The following TTK variants were observed in gnomAD, a reference collection of about 807,000 sequenced individuals.
TTK encodes the protein dual specificity protein kinase TTK.
Under a neutral mutation model 117.3 loss-of-function variants are expected in TTK, and 59 were observed. The ratio of observed to expected loss-of-function variants is 0.50; its 90% CI spans 0.41 to 0.62. TTK has a LOEUF of 0.62. Ranked by LOEUF, TTK falls within the 20% of genes least tolerant of loss-of-function variation. TTK has a pLI of 0.00. For missense variants in TTK, 921 were observed against 989.4 expected (o/e 0.93, Z 0.93); for synonymous variants, 302 against 325.0 (o/e 0.93, Z 0.76).
chr6:80,037,411 A>C (rs1485038147), intron 17 of TTK: 1 of 152,338 alleles, frequency 6.6e-6, no homozygotes, highest in Admixed American at 6.5e-5. Flanking sequence ...ATTTTAGAAG[A>C]AAATGAGCTC....
intron 21 of TTK, among the ~76,000 whole-genome samples, chr6:80,041,860 A>G (rs1317629160): frequency 2.0e-5 from 3 of 151,724 alleles, no homozygotes; most frequent in African/African-American, 7.2e-5. Flanking sequence ...TTGAAGGCTC[A>G]TATGTATGTT....
In TTK at chr6:80,039,703, C is replaced by A; in HGVS notation, c.2138C>A (p.Pro713His). 1 of 1,517,300 alleles carries A rather than the reference C, an allele frequency of 6.6e-7. No homozygotes were observed. Among genetic ancestry groups the A allele is most frequent in the South Asian group, 1.4e-5 (1 of 69,420 alleles). The allele number at this position is 1,517,300 out of a possible 1,614,324, so 94.0% of individuals were successfully genotyped here. ...ENGKSKSKISPKSDVWSLGCI... is the reference protein window; with the variant it reads ...ENGKSKSKISHKSDVWSLGCI... ...TGTTTGTTTTTTTCTTAGATAAGCC[C>A]CAAAAGTGATGTTTGGTCCTTAGGA... is the stretch of plus-strand genomic sequence containing the variant. Residue 713 changes from proline to histidine, a missense_variant, in exon 19 of 22, where the codon CCC (proline) becomes CAC (histidine). By Grantham distance (77) the Pro-to-His change is moderately conservative. Transcript: ENST00000369798.
rs1314088531 is a variant in TTK at position 80,042,345 on chromosome 6, A to C, written c.*143A>C. On this transcript the variant is annotated 3_prime_UTR_variant, in exon 22 of 22. Transcript: ENST00000369798. ...AAAAAATTCAGTAGATTATCTTTAA[A>C]AGAAAACTGTAAAAATAGCAACCAC... 1.1e-5 allele frequency: 6 copies of C among 557,906 alleles called. No individual in the cohort carries two copies. Among genetic ancestry groups the C allele is most frequent in the Non-Finnish European group, 1.8e-5 (6 of 326,518 alleles). 34.6% of individuals were successfully genotyped at this position (557,906 alleles called of 1,614,324 possible).
rs759057062 is a variant in TTK at position 80,008,459 on chromosome 6, C to G, written c.436C>G (p.His146Asp). The change falls in exon 4 of 22, where the codon CAT (histidine) becomes GAT (aspartate). Residue 146 changes from histidine (H) to aspartate (D), a missense_variant. Coordinates refer to ENST00000369798, the MANE Select transcript of TTK (RefSeq NM_003318.5). ...RANCKKFAFV[H>D]ISFAQFELSQ... ...AAACTGCAAGAAATTTGCTTTTGTT[C>G]ATATATCTTTTGCACAATTTGAACT... The G allele has an allele frequency of 6.2e-7, 1 of 1,611,930 alleles. No individual in the cohort carries two copies. The highest frequency in any genetic ancestry group is 8.5e-7 in the Non-Finnish European group (1 of 1,178,966).
intron 21 of TTK, among the ~76,000 whole-genome samples, chr6:80,041,405 A>G (rs1768046034): frequency 6.6e-6 from 1 of 151,774 alleles, no homozygotes; most frequent in Non-Finnish European, 1.5e-5. Flanking sequence ...ATTTGCATTT[A>G]TATGATATGA....
At chr6:80,034,546 T>G (rs1767843778) in intron 14 of TTK, among the ~76,000 whole-genome samples, 1 of 152,184 alleles carries the variant, frequency 6.6e-6, no homozygotes, top group Non-Finnish European at 1.5e-5. Flanking sequence ...GAGGCTGGAC[T>G]CAAACTGCTG....
chr6:80,039,440 GA>G lies in TTK; in HGVS notation c.2131-254del, dbSNP rs1767988678. On this transcript the variant is annotated intron_variant, in intron 18 of 21. Transcript: ENST00000369798. ...ATTTTATATTTTCACAAGTTGGGAA[GA>G]ATTTAATATTTTGTCTTAATTGCAA... Among the ~76,000 whole-genome samples, 3 of 151,850 alleles carry G rather than the reference GA, an allele frequency of 2.0e-5. No homozygotes were observed. The East Asian group carries it at 5.8e-4, about 29-fold the overall frequency.
intron 10 of TTK, among the ~76,000 whole-genome samples, chr6:80,020,979 A>T (rs759146507): frequency 1.3e-5 from 2 of 152,246 alleles, no homozygotes; most frequent in African/African-American, 2.4e-5. Flanking sequence ...TCCAGACAGC[A>T]CTGCAGAGTG....
chr6:80,040,662 G>A lies in TTK; in HGVS notation c.2449G>A (p.Val817Ile), dbSNP rs774346835. 1 of 1,611,776 alleles carries A rather than the reference G, an allele frequency of 6.2e-7. No homozygotes were observed. The highest frequency in any genetic ancestry group is 1.3e-5 in the African/African-American group (1 of 74,818). Reference sequence around the variant, plus strand: ...AATGAAATATGTTCTGGGCCAACTTGTTGGTCTGAATTCTCCTAACTCCAT... The same window carrying A: ...AATGAAATATGTTCTGGGCCAACTTATTGGTCTGAATTCTCCTAACTCCAT... ...EEMKYVLGQL[V>I]GLNSPNSILK... Residue 817 changes from valine to isoleucine, a missense_variant, in exon 21 of 22, where the codon GTT (valine) becomes ATT (isoleucine). Val to Ile is a conservative substitution (Grantham distance 29). Coordinates refer to ENST00000369798, the MANE Select transcript of TTK (RefSeq NM_003318.5).
In TTK at chr6:80,012,054, T is replaced by C. The variant is rs551506142; in HGVS notation, c.896+74T>C. The stretch of plus-strand genomic sequence containing the variant: ...AATGGCAGAATGGTCTTAAAGTCTT[T>C]TACTGAGTAATAGTAATTATGATTA... On this transcript the variant is annotated intron_variant, in intron 8 of 21. Transcript: ENST00000369798. The C allele has an allele frequency of 6.3e-5, 74 of 1,167,946 alleles. 1 individual carries two copies. In the South Asian group the frequency reaches 1.1e-3, roughly 17 times the overall value. The allele number at this position is 1,167,946 out of a possible 1,614,324, so 72.3% of individuals were successfully genotyped here.
In TTK at chr6:80,010,946, A is replaced by G; in HGVS notation, c.602A>G (p.Lys201Arg). The G allele has an allele frequency of 2.5e-6, 4 of 1,611,856 alleles. No individual in the cohort carries two copies. Among genetic ancestry groups the G allele is most frequent in the Non-Finnish European group, 3.4e-6 (4 of 1,178,388 alleles). Residue 201 changes from lysine (K) to arginine (R), a missense_variant, in exon 5 of 22, where the codon AAG (lysine) becomes AGG (arginine). Coordinates refer to ENST00000369798, the MANE Select transcript of TTK (RefSeq NM_003318.5). ...KKQLLSEEEK[K>R]NLSASTVLTA... ...CAGCTGCTTTCAGAGGAGGAAAAGA[A>G]GAATTTATCAGGTAACTATTAAGGT...
intron 21 of TTK, among the ~76,000 whole-genome samples, chr6:80,041,880 C>T (rs1000313266): frequency 9.9e-5 from 15 of 151,474 alleles, no homozygotes; most frequent in African/African-American, 3.6e-4. Flanking sequence ...TTATTAGTAG[C>T]TCTGTTATAT....
Position 80,036,885 on chromosome 6 carries a change from T to A in TTK, c.2049+286T>A, listed in dbSNP as rs116838807. ...AAATCACTTGGTCGTGATCAAAAAT[T>A]GACCTGAAAATTTGGCTCAGAGTTT... On this transcript the variant is annotated intron_variant, in intron 17 of 21. Coordinates refer to ENST00000369798, the MANE Select transcript of TTK (RefSeq NM_003318.5). 6.3e-3 allele frequency among the ~76,000 whole-genome samples: 953 copies of A among 152,242 alleles called. 10 individuals carry two copies. Among genetic ancestry groups the A allele is most frequent in the African/African-American group, 0.022 (915 of 41,560 alleles).
Position 80,013,369 on chromosome 6 carries a change from A to G in TTK, c.984+3A>G, listed in dbSNP as rs1304490555. The G allele has an allele frequency of 6.3e-7, 1 of 1,587,482 alleles. No homozygotes were observed. The highest frequency in any genetic ancestry group is 1.2e-5 in the South Asian group (1 of 86,450). ...CCTGTGAATTAAGAAATTTAAAGGT[A>G]TTTTAATTCTATATCATTATATAAA... is the stretch of plus-strand genomic sequence containing the variant. On this transcript the variant is annotated splice_donor_region_variant and intron_variant, in intron 9 of 21. Transcript: ENST00000369798.
chr6:80,016,968 T>G (rs955398870), intron 10 of TTK, among the ~76,000 whole-genome samples: 6 of 152,214 alleles, frequency 3.9e-5, no homozygotes, highest in South Asian at 2.1e-4. Flanking sequence ...GCTAGTGCTT[T>G]CTGGGCCAAA....
intron 11 of TTK, among the ~76,000 whole-genome samples, chr6:80,024,223 A>G (rs1423004498): frequency 6.6e-6 from 1 of 152,254 alleles, no homozygotes; most frequent in Non-Finnish European, 1.5e-5. Context: ...GGTTAAACGT[A>G]GCTTTATATG....
intron 20 of TTK, 74 bp downstream of exon 20, chr6:80,040,354 A>G: frequency 7.8e-7 from 1 of 1,277,632 alleles, no homozygotes; most frequent in Non-Finnish European, 1.1e-6. Context: ...AATATAACAA[A>G]GACAGAATCT....
Position 80,013,150 on chromosome 6 carries a change from T to C in TTK, c.897-129T>C, listed in dbSNP as rs552235170. 69 of 724,852 alleles carry C rather than the reference T, an allele frequency of 9.5e-5. 1 individual carries two copies. In the Admixed American group the frequency reaches 9.8e-4, roughly 10 times the overall value. The allele number at this position is 724,852 out of a possible 1,614,324, so 44.9% of individuals were successfully genotyped here. ...TGGAATTATGTCACTCTAAAAAATG[T>C]CTTTTTAAGAGATTTTTTTCAATAA... is the stretch of plus-strand genomic sequence containing the variant. On this transcript the variant is annotated intron_variant, in intron 8 of 21. Coordinates refer to ENST00000369798, the MANE Select transcript of TTK (RefSeq NM_003318.5).
At chr6:80,037,860 T>C in intron 17 of TTK, 107 bp from the exon 18 acceptor site, 1 of 444,640 alleles carries the variant, frequency 2.2e-6, no homozygotes, top group Non-Finnish European at 3.3e-6. Context: ...ATCTAAAACT[T>C]AAAGTATAAT....
Sources: gnomAD v4.1 joint callset for allele counts (sites outside exome capture counted in the v4.1 genomes callset) on GRCh38, gnomAD v4.1.1 for gene constraint, MANE v1.5 for transcripts, NCBI Gene and HGNC (gene_info 2026-07-23, HGNC 2026-07-21) for gene names.